Variants in MAN1C1 observed in about 807,000 individuals in gnomAD.
The protein encoded by MAN1C1 is mannosidase alpha class 1C member 1.
MAN1C1 carries 49 observed loss-of-function variants against 71.5 expected under a neutral mutation model. The ratio of observed to expected loss-of-function variants is 0.69; its 90% confidence interval spans 0.54 to 0.87. MAN1C1 has a LOEUF of 0.87. Ranked by LOEUF, MAN1C1 falls within the 40% of genes least tolerant of loss-of-function variation. The pLI is 0.00. For synonymous variants in MAN1C1, 352 were observed against 343.7 expected (o/e 1.02, Z -0.27); for missense variants, 743 against 835.0 (o/e 0.89, Z 1.36).
intron 2 of MAN1C1, among the ~76,000 whole-genome samples, chr1:25,742,157 CA>C (rs571390563): frequency 7.9e-5 from 12 of 152,156 alleles, no homozygotes; most frequent in Admixed American, 3.9e-4. Flanking sequence ...TTGAACATGC[CA>C]AGATGCACAG....
chr1:25,742,162 T>C (rs2047071209), intron 2 of MAN1C1, among the ~76,000 whole-genome samples: 1 of 152,164 alleles, frequency 6.6e-6, no homozygotes, highest in African/African-American at 2.4e-5. Flanking sequence ...CATGCCAAGA[T>C]GCACAGAGAA....
intron 5 of MAN1C1, among the ~76,000 whole-genome samples, chr1:25,755,831 C>A (rs12076326): frequency 0.048 from 7,346 of 152,296 alleles, 540 homozygotes; most frequent in African/African-American, 0.16. Context: ...AGAGAGAACA[C>A]AGGCTATGGG....
intron 1 of MAN1C1, among the ~76,000 whole-genome samples, chr1:25,665,012 T>C (rs539211333): frequency 2.0e-5 from 3 of 152,338 alleles, no homozygotes; most frequent in South Asian, 4.1e-4. Flanking sequence ...TTAAGAGTTA[T>C]GGCCACTGAC....
chr1:25,697,336 A>G (rs957010018), intron 2 of MAN1C1, among the ~76,000 whole-genome samples: 7 of 152,238 alleles, frequency 4.6e-5, no homozygotes, highest in African/African-American at 1.7e-4. Context: ...TAAGGTTTCA[A>G]GGTTCATCCA....
chr1:25,728,966 T>A (rs1024028829), intron 2 of MAN1C1, among the ~76,000 whole-genome samples: 2 of 152,268 alleles, frequency 1.3e-5, no homozygotes, highest in Non-Finnish European at 2.9e-5. Context: ...TGTGTGGCTC[T>A]GACCCCAGAA....
rs1009119491 is a variant in MAN1C1, at chr1:25,776,330, C to T, written c.1258-1775C>T. Among the ~76,000 whole-genome samples the T allele has an allele frequency of 3.3e-5, 5 of 151,852 alleles. No individual in the cohort carries two copies. Among genetic ancestry groups the T allele is most frequent in the Non-Finnish European group, 5.9e-5 (4 of 67,824 alleles). On this transcript the variant is annotated intron_variant, in intron 8 of 11. Coordinates refer to ENST00000374332, the MANE Select transcript of MAN1C1 (RefSeq NM_020379.4). This position sits in a 1 kb window ranked among gnomAD's most constrained non-coding sequence, Gnocchi z 4.3. ...TTTTGGGAGGCCGAGGTGGGTGGAT[C>T]CCCTGAGGTCAGGAGTTCAAGACCA...
intron 2 of MAN1C1, among the ~76,000 whole-genome samples, chr1:25,723,315 G>A (rs2046791257): frequency 6.6e-6 from 1 of 152,204 alleles, no homozygotes; most frequent in South Asian, 2.1e-4. Flanking sequence ...AGAGAATCTA[G>A]GGATCTTACT....
rs547488848 is a variant in MAN1C1 at position 25,695,869 on chromosome 1, A to G, written c.637+9333A>G. On this transcript the variant is annotated intron_variant, in intron 2 of 11. Coordinates refer to ENST00000374332, the MANE Select transcript of MAN1C1 (RefSeq NM_020379.4). ...TGGGCCTCGTCTCTTCATCAGTACA[A>G]AGGGGTTTGCTTTGTCTCTGCCCAG... Among the ~76,000 whole-genome samples, 8 of 152,270 alleles carry G rather than the reference A, an allele frequency of 5.3e-5. No individual in the cohort carries two copies. The South Asian group carries it at 1.7e-3, about 32-fold the overall frequency.
chr1:25,723,700 A>G (rs2046796576), intron 2 of MAN1C1, among the ~76,000 whole-genome samples: 2 of 152,232 alleles, frequency 1.3e-5, no homozygotes, highest in South Asian at 4.1e-4. Flanking sequence ...GAGCCTCAAC[A>G]TCATCATCTG....
At chr1:25,624,596 T>C (rs1294099227) in intron 1 of MAN1C1, among the ~76,000 whole-genome samples, 2 of 152,244 alleles carry the variant, frequency 1.3e-5, no homozygotes, top group East Asian at 1.9e-4. Context: ...TTTGCTATAT[T>C]GATTAGTGCC....
chr1:25,766,113 T>C (rs964460705), intron 7 of MAN1C1, among the ~76,000 whole-genome samples: 21 of 152,156 alleles, frequency 1.4e-4, no homozygotes, highest in African/African-American at 5.1e-4. Flanking sequence ...CCTTGGCAAA[T>C]TATAAGGGAG....
chr1:25,756,435 GGA>G (rs1464233004), intron 5 of MAN1C1, among the ~76,000 whole-genome samples: 1 of 150,144 alleles, frequency 6.7e-6, no homozygotes, highest in African/African-American at 2.4e-5. Flanking sequence ...TGTGGGGGTG[GGA>G]GAGAGGAAGG....
At chr1:25,679,950 A>ATATAT (rs1553185880) in intron 1 of MAN1C1, among the ~76,000 whole-genome samples, 1 of 117,236 alleles carries the variant, frequency 8.5e-6, no homozygotes, top group African/African-American at 3.8e-5. Flanking sequence ...AAAAAAAAAA[A>ATATAT]ATATATATAT....
intron 7 of MAN1C1, among the ~76,000 whole-genome samples, chr1:25,770,530 A>C (rs961113003): frequency 6.6e-6 from 1 of 152,172 alleles, no homozygotes; most frequent in Non-Finnish European, 1.5e-5. Flanking sequence ...GCCTTTCACC[A>C]GCTTGATGGT....
chr1:25,783,606 T>C, intron 11 of MAN1C1, 57 bp from the exon 12 acceptor site: 1 of 1,590,274 alleles, frequency 6.3e-7, no homozygotes, highest in Non-Finnish European at 8.6e-7. Context: ...GGCCCACCCT[T>C]CTTCCCCAGG....
chr1:25,650,939 A>T (rs1270601242), intron 1 of MAN1C1, among the ~76,000 whole-genome samples: 2 of 152,178 alleles, frequency 1.3e-5, no homozygotes, highest in Non-Finnish European at 2.9e-5. Context: ...TATTGCTCTT[A>T]TCCAGGCTTA....
chr1:25,768,451 C>T (rs1290491798), intron 7 of MAN1C1, among the ~76,000 whole-genome samples: 1 of 131,378 alleles, frequency 7.6e-6, no homozygotes, highest in African/African-American at 2.9e-5. Context: ...TCACACACAT[C>T]CACACTCCCC....
chr1:25,768,551 CACACAT>C (rs2124393163), intron 7 of MAN1C1, among the ~76,000 whole-genome samples: 1 of 86,660 alleles, frequency 1.2e-5, no homozygotes, highest in Non-Finnish European at 2.5e-5. Flanking sequence ...ACACACCACA[CACACAT>C]TACATACACT....
intron 7 of MAN1C1, among the ~76,000 whole-genome samples, chr1:25,767,810 G>A (rs1175003061): frequency 3.6e-4 from 25 of 68,628 alleles, no homozygotes; most frequent in East Asian, 1.5e-3. Context: ...CTCCCCTCAC[G>A]TACATCCACA....
Sources: gnomAD v4.1 joint callset for allele counts (sites outside exome capture counted in the v4.1 genomes callset) on GRCh38, gnomAD v4.1.1 for gene constraint, Gnocchi (gnomAD v3.1) non-coding constraint, MANE v1.5 for transcripts, NCBI Gene and HGNC (gene_info 2026-07-23, HGNC 2026-07-21) for gene names.